Variants in NUP214 observed in about 807,000 individuals in gnomAD.
The protein encoded by NUP214 is nucleoporin 214.
NUP214 carries 79 observed loss-of-function variants against 196.2 expected under a neutral mutation model. That is an observed-to-expected ratio of 0.40 (90% CI 0.34 to 0.49). The LOEUF is 0.49. Among genes scored for constraint, NUP214 ranks in the 20% least tolerant of loss-of-function variants. The probability of loss-of-function intolerance (pLI) is 0.58; values close to 1 mark genes in which losing one functional copy is unlikely to be tolerated. For missense variants in NUP214, 2,468 were observed against 2,539.0 expected, an observed-to-expected ratio of 0.97 and a Z score of 0.60; for synonymous variants, 1,020 against 990.5, an observed-to-expected ratio of 1.03 and a Z score of -0.56.
rs1398687897 is a variant in NUP214, at chr9:131,175,440, A to T, written c.3158-20A>T. On this transcript the variant is annotated intron_variant, in intron 22 of 35. Transcript: ENST00000359428. ...CCTGTTCTCTCACCCACTCACACTT[A>T]ATTTTTCTTTTCCTCTTAGTGGCTA... The T allele has an allele frequency of 6.2e-7, 1 of 1,613,844 alleles. No homozygotes were observed. The highest frequency in any genetic ancestry group is 1.1e-5 in the South Asian group (1 of 91,066).
chr9:131,229,539 A>G (rs1370258432), intron 33 of NUP214: 2 of 357,742 alleles, frequency 5.6e-6, no homozygotes, highest in African/African-American at 2.2e-5. Context: ...TTACTAGTAG[A>G]AAAGTATATT....
intron 31 of NUP214, among the ~76,000 whole-genome samples, chr9:131,216,176 C>T (rs1178344181): frequency 6.6e-6 from 1 of 151,448 alleles, no homozygotes; most frequent in Non-Finnish European, 1.5e-5. Context: ...AGGTATGAGC[C>T]ACCATGCCCA....
At position 131,197,390 on chromosome 9, in the gene NUP214, C is replaced by A; in HGVS notation, c.3896C>A (p.Ser1299Tyr). ...TCTAGCAGCAGACCTGTGGCACCTT[C>A]TGGAACTGCTCTTTCCACCACCTCT... Reference protein sequence around the residue: ...AASSSRPVAPSGTALSTTSSK... With the variant: ...AASSSRPVAPYGTALSTTSSK... The change falls in exon 29 of 36, where the codon TCT becomes TAT. Residue 1299 changes from serine (S) to tyrosine (Y), a missense_variant. By Grantham distance (144) the Ser-to-Tyr change is moderately radical (BLOSUM62 -2). Around this residue, in one of 5 missense-constraint regions of NUP214, gnomAD observed 1,801 missense variants for 1,779.4 expected, o/e 1.01. Transcript: ENST00000359428. 2 of 1,614,198 alleles carry A rather than the reference C, an allele frequency of 1.2e-6. No individual in the cohort carries two copies. Among genetic ancestry groups the A allele is most frequent in the Non-Finnish European group, 1.7e-6 (2 of 1,180,042 alleles).
intron 28 of NUP214, 117 bp from the exon 29 acceptor site, chr9:131,197,099 C>A: frequency 7.2e-7 from 1 of 1,393,228 alleles, no homozygotes; most frequent in Non-Finnish European, 9.8e-7. Context: ...GAGAACAAGG[C>A]ACCCTGACTC....
chr9:131,172,719 C>A (rs937826893), intron 21 of NUP214, among the ~76,000 whole-genome samples: 1 of 152,210 alleles, frequency 6.6e-6, no homozygotes, highest in Non-Finnish European at 1.5e-5. Flanking sequence ...TGGCTACTGG[C>A]TACCAAATTG....
chr9:131,222,657 C>A (rs981299667), intron 31 of NUP214, 121 bp from the exon 32 acceptor site: 38 of 1,206,870 alleles, frequency 3.1e-5, no homozygotes, highest in Non-Finnish European at 4.0e-5. Flanking sequence ...GCTCCCTTGG[C>A]TTCTAGGCGG....
intron 21 of NUP214, among the ~76,000 whole-genome samples, chr9:131,169,065 G>A (rs1343576565): frequency 8.2e-6 from 1 of 121,450 alleles, no homozygotes; most frequent in Non-Finnish European, 1.6e-5. Flanking sequence ...ACAGAATCTC[G>A]CTCTGTTGCC....
intron 18 of NUP214, among the ~76,000 whole-genome samples, chr9:131,161,015 C>T (rs776082269): frequency 6.6e-6 from 1 of 152,252 alleles, no homozygotes; most frequent in Non-Finnish European, 1.5e-5. Context: ...ACATTCTGCT[C>T]TGCTCAATGG....
intron 21 of NUP214, among the ~76,000 whole-genome samples, chr9:131,166,608 G>A (rs1206546773): frequency 6.6e-6 from 1 of 152,176 alleles, no homozygotes; most frequent in Non-Finnish European, 1.5e-5. Flanking sequence ...CACACATTAA[G>A]TGCACAAAAC....
Position 131,147,518 on chromosome 9 carries a change from A to C in NUP214, c.1974A>C (p.Pro658=), listed in dbSNP as rs749193251. 3.7e-6 allele frequency: 6 copies of C among 1,614,166 alleles called. No homozygotes were observed. In the East Asian group the frequency reaches 1.3e-4, roughly 36 times the overall value. The change falls in exon 14 of 36, where the codon CCA becomes CCC. Residue 658 remains proline, a synonymous_variant. Transcript: ENST00000359428. ...GATCTGCTCAGGGCAGTTCAAGCCC[A>C]GTGCCCTCAATGGTACAGAAATCAC... The part of the protein sequence containing the change: ...SGRSAQGSSS[P]VPSMVQKSPR...
intron 26 of NUP214, among the ~76,000 whole-genome samples, chr9:131,189,646 C>T (rs746405412): frequency 6.6e-6 from 1 of 152,140 alleles, no homozygotes; most frequent in Non-Finnish European, 1.5e-5. Context: ...TATGGCTTCA[C>T]GTAACTTCTC....
chr9:131,132,119 C>CTTTTTTTTT (rs71389396), intron 5 of NUP214, among the ~76,000 whole-genome samples: 2 of 114,652 alleles, frequency 1.7e-5, no homozygotes, highest in African/African-American at 7.2e-5. Context: ...TCTTTTCTTT[C>CTTTTTTTTT]TTTTTTTTTT....
chr9:131,215,401 T>C (rs1834363823), intron 31 of NUP214, 33 bp downstream of exon 31: 1 of 1,519,940 alleles, frequency 6.6e-7, no homozygotes, highest in South Asian at 1.3e-5. Context: ...AGTCCCTTGG[T>C]CCCCTAATGC....
At chr9:131,162,836 T>G (rs1399257028) in intron 18 of NUP214, 155 bp from the exon 19 acceptor site, 2 of 730,606 alleles carry the variant, frequency 2.7e-6, no homozygotes, top group Non-Finnish European at 4.5e-6. Context: ...CATCTCCTTT[T>G]TATTTTCTAG....
At chr9:131,230,034 G>T (rs543630393) in intron 33 of NUP214, 41 of 307,064 alleles carry the variant, frequency 1.3e-4, no homozygotes, top group Non-Finnish European at 2.5e-4. Flanking sequence ...GTGCCACCTT[G>T]TGTGCTGGAC....
At chr9:131,202,355 G>A (rs1285816406) in intron 30 of NUP214, among the ~76,000 whole-genome samples, 2 of 152,144 alleles carry the variant, frequency 1.3e-5, no homozygotes. Context: ...GTGTTTGTGT[G>A]TGTGTGTCTA....
chr9:131,161,446 A>T (rs185355726), intron 18 of NUP214, among the ~76,000 whole-genome samples: 169 of 152,148 alleles, frequency 1.1e-3, no homozygotes, highest in Non-Finnish European at 1.9e-3. Flanking sequence ...TTTAGTAGAG[A>T]TGGGGTTTCA....
At chr9:131,132,797 A>C in intron 6 of NUP214, 138 bp downstream of exon 6, 1 of 758,854 alleles carries the variant, frequency 1.3e-6, no homozygotes, top group South Asian at 1.7e-5. Flanking sequence ...TCAAACAGCT[A>C]ATTAAGTCAG....
At chr9:131,150,082 C>G (rs149366349) in intron 14 of NUP214, 92 of 391,578 alleles carry the variant, frequency 2.3e-4, no homozygotes, top group African/African-American at 1.7e-3. Flanking sequence ...TTTTATTATT[C>G]AACATGTCCC....
Sources: gnomAD v4.1 joint callset for allele counts (sites outside exome capture counted in the v4.1 genomes callset) on GRCh38, gnomAD v4.1.1 for gene constraint, gnomAD v4.1.1 regional missense constraint, MANE v1.5 for transcripts, NCBI Gene and HGNC (gene_info 2026-07-23, HGNC 2026-07-21) for gene names.